Variants in FOCAD observed in about 807,000 individuals in gnomAD.
FOCAD encodes focadhesin.
FOCAD carries 198 observed loss-of-function variants against 225.6 expected under a neutral mutation model. The observed-to-expected ratio is 0.88, with a 90% CI of 0.78 to 0.99. The LOEUF is 0.99. FOCAD is among the 50% of genes least tolerant of loss of function. The pLI is 0.00. For synonymous variants in FOCAD, 897 were observed against 755.0 expected (o/e 1.19, Z -3.08); for missense variants, 2,713 against 2,123.6 (o/e 1.28, Z -5.46).
chr9:20,696,212 A>C (rs1823355187), intron 1 of FOCAD, among the ~76,000 whole-genome samples: 1 of 152,216 alleles, frequency 6.6e-6, no homozygotes, highest in Non-Finnish European at 1.5e-5. Context: ...TTGTAACTGC[A>C]GGCATGTATC....
At chr9:20,894,375 C>T (rs1831889659) in intron 21 of FOCAD, among the ~76,000 whole-genome samples, 1 of 152,098 alleles carries the variant, frequency 6.6e-6, no homozygotes, top group Non-Finnish European at 1.5e-5. Context: ...TAATTTTCAA[C>T]TCTCGGGTAA....
intron 11 of FOCAD, among the ~76,000 whole-genome samples, chr9:20,811,866 A>G (rs901750906): frequency 6.6e-6 from 1 of 152,108 alleles, no homozygotes; most frequent in African/African-American, 2.4e-5. Flanking sequence ...GTCTCTTCCA[A>G]TATTAAGATT....
rs1016402191 is a variant in FOCAD at position 20,981,528 on chromosome 9, T to A, written c.4480T>A (p.Phe1494Ile). 2 of 1,613,980 alleles carry A rather than the reference T, an allele frequency of 1.2e-6. No homozygotes were observed. The highest frequency in any genetic ancestry group is 2.7e-5 in the African/African-American group (2 of 74,924). ...GFVENLMVAV[F>I]KAASPLGSPE... ...TGTTGAAAATTTAATGGTGGCAGTT[T>A]TTAAAGCAGCTTCCCCACTTGGAAG... is the stretch of plus-strand genomic sequence containing the variant. The change falls in exon 38 of 44, where the codon TTT becomes ATT. Residue 1494 changes from phenylalanine (F) to isoleucine (I), a missense_variant. Physicochemically the swap from Phe to Ile is conservative, Grantham distance 21. Coordinates refer to ENST00000338382, the MANE Select transcript of FOCAD (RefSeq NM_001375567.1).
rs774325844 is a variant in FOCAD, at chr9:20,988,397, T to A, written c.4972T>A (p.Ser1658Thr). 42 of 1,609,702 alleles carry A rather than the reference T, an allele frequency of 2.6e-5. No homozygotes were observed. The Admixed American group carries it at 3.7e-4, about 14-fold the overall frequency. ...TTATATTAGAAATGTTGCTTACCAG[T>A]CAACATCCTTTCACAATACGGCTCT... ...MGYIRNVAYQ[S>T]TSFHNTALDK... The change falls in exon 41 of 44, where the codon TCA becomes ACA. Residue 1658 changes from serine to threonine, a missense_variant. Ser to Thr is a moderately conservative substitution (Grantham distance 58). Transcript: ENST00000338382.
At chr9:20,726,306 A>C (rs552771829) in intron 4 of FOCAD, 5 of 152,132 alleles carry the variant, frequency 3.3e-5, no homozygotes, top group African/African-American at 1.2e-4. Flanking sequence ...GTTGCTTAGT[A>C]ACAGGATTGT....
At chr9:20,671,135 C>T (rs556674281) in intron 2 of FOCAD, among the ~76,000 whole-genome samples, 31 of 152,068 alleles carry the variant, frequency 2.0e-4, no homozygotes, top group South Asian at 4.2e-4. Context: ...ATATAAATGA[C>T]GGATTGTGTC....
intron 25 of FOCAD, among the ~76,000 whole-genome samples, 182 bp downstream of exon 25, chr9:20,923,950 T>C (rs1834704220): frequency 1.3e-5 from 2 of 152,196 alleles, no homozygotes; most frequent in Admixed American, 1.3e-4. Flanking sequence ...TCTGTTTTCC[T>C]TTCTCCATCA....
At chr9:20,726,549 G>A (rs1039427773) in intron 4 of FOCAD, 3 of 152,188 alleles carry the variant, frequency 2.0e-5, no homozygotes, top group Admixed American at 6.5e-5. Flanking sequence ...GTGTATTAAA[G>A]TGTATTTTCT....
intron 26 of FOCAD, among the ~76,000 whole-genome samples, chr9:20,928,716 G>A (rs776636249): frequency 1.3e-5 from 2 of 152,016 alleles, no homozygotes; most frequent in Non-Finnish European, 2.9e-5. Context: ...TTGAATAGCT[G>A]GTTATTGCTT....
At chr9:20,943,430 C>T (rs559116439) in intron 28 of FOCAD, among the ~76,000 whole-genome samples, 293 of 149,930 alleles carry the variant, frequency 2.0e-3, no homozygotes, top group Non-Finnish European at 3.6e-3. Context: ...TTGGGTTTGG[C>T]AGATGGGGCA....
intron 28 of FOCAD, 108 bp from the exon 29 acceptor site, chr9:20,944,519 C>A: frequency 1.6e-6 from 2 of 1,244,760 alleles, no homozygotes; most frequent in Non-Finnish European, 1.1e-6. Flanking sequence ...GAATTTGAAT[C>A]CAGCCATCTC....
In FOCAD at chr9:20,995,541, A is replaced by G; in HGVS notation, c.5333-15A>G. 1 of 1,609,702 alleles carries G rather than the reference A, an allele frequency of 6.2e-7. No individual in the cohort carries two copies. The highest frequency in any genetic ancestry group is 2.2e-5 in the East Asian group (1 of 44,844). ...CCTTTTCAAATGCAGCCATACCTAT[A>G]TTTTGTCCCCTTAGCCACCCTGCTG... On this transcript the variant is annotated splice_polypyrimidine_tract_variant and intron_variant, in intron 43 of 43. Coordinates refer to ENST00000338382, the MANE Select transcript of FOCAD (RefSeq NM_001375567.1).
At chr9:20,762,841 G>C (rs1174959317) in intron 6 of FOCAD, among the ~76,000 whole-genome samples, 1 of 152,066 alleles carries the variant, frequency 6.6e-6, no homozygotes, top group Non-Finnish European at 1.5e-5. Context: ...TCTGTTTGGA[G>C]TCCCTTGTGT....
chr9:20,954,028 C>T (rs1342791828), intron 35 of FOCAD, among the ~76,000 whole-genome samples: 2 of 152,100 alleles, frequency 1.3e-5, no homozygotes, highest in Non-Finnish European at 2.9e-5. Flanking sequence ...CCTGGAGCTT[C>T]CAGATTTTGA....
chr9:20,673,655 C>A (rs951087495), intron 2 of FOCAD, among the ~76,000 whole-genome samples: 4 of 152,002 alleles, frequency 2.6e-5, no homozygotes, highest in African/African-American at 7.3e-5. Context: ...AGTGCAGTGG[C>A]GTGATGGCGT....
chr9:20,974,862 G>A (rs144455497), intron 35 of FOCAD, among the ~76,000 whole-genome samples: 1 of 151,822 alleles, frequency 6.6e-6, no homozygotes, highest in South Asian at 2.1e-4. Flanking sequence ...CTCCACATCT[G>A]CTTCTCCCAT....
At chr9:20,759,233 A>C (rs1829343944) in intron 6 of FOCAD, among the ~76,000 whole-genome samples, 1 of 152,202 alleles carries the variant, frequency 6.6e-6, no homozygotes, top group Admixed American at 6.5e-5. Flanking sequence ...TATGGAACCA[A>C]AAAAGAGCCC....
At chr9:20,926,884 TAC>T (rs1320828599) in intron 26 of FOCAD, among the ~76,000 whole-genome samples, 1 of 151,028 alleles carries the variant, frequency 6.6e-6, no homozygotes, top group East Asian at 1.9e-4. Context: ...GAACTTTAAA[TAC>T]ACACACACAC....
chr9:20,864,378 C>G (rs1165723882), intron 16 of FOCAD, among the ~76,000 whole-genome samples: 1 of 152,072 alleles, frequency 6.6e-6, no homozygotes, highest in Non-Finnish European at 1.5e-5. Flanking sequence ...CCAATAAAAC[C>G]AAACCACTTA....
Sources: allele counts gnomAD v4.1 joint callset (sites outside exome capture counted in the v4.1 genomes callset), GRCh38; gene constraint gnomAD v4.1.1; transcripts MANE v1.5; gene names NCBI Gene and HGNC (gene_info 2026-07-23, HGNC 2026-07-21).